GABRG3: variants seen among roughly 807,000 people sequenced by gnomAD.
The protein encoded by GABRG3 is gamma-aminobutyric acid type A receptor subunit gamma3.
In GABRG3, 25 loss-of-function variants were observed where a neutral mutation model predicts 48.8. The observed-to-expected ratio is 0.51, with a 90% CI of 0.37 to 0.72. GABRG3 has a LOEUF of 0.72. GABRG3 is among the 30% of genes least tolerant of loss of function. GABRG3 has a pLI of 0.00. For synonymous variants in GABRG3, 227 were observed against 217.6 expected, an observed-to-expected ratio of 1.04 and a Z score of -0.38; for missense variants, 394 against 577.9, an observed-to-expected ratio of 0.68 and a Z score of 3.26.
intron 3 of GABRG3, among the ~76,000 whole-genome samples, chr15:27,199,910 T>C (rs1198231535): frequency 1.3e-5 from 2 of 151,674 alleles, no homozygotes; most frequent in Non-Finnish European, 2.9e-5. Context: ...CTTCCCTCTT[T>C]CCCTTCAGCC....
At chr15:27,033,510 G>C (rs1296674160) in intron 3 of GABRG3, among the ~76,000 whole-genome samples, 1 of 152,090 alleles carries the variant, frequency 6.6e-6, no homozygotes, top group Non-Finnish European at 1.5e-5. Flanking sequence ...TGTTGCTTTG[G>C]TAACCTCCTG....
chr15:27,433,713 T>C (rs1025516558), intron 5 of GABRG3, among the ~76,000 whole-genome samples: 3 of 152,206 alleles, frequency 2.0e-5, no homozygotes, highest in Non-Finnish European at 4.4e-5. Context: ...GGCAAACAAT[T>C]GCTCTATCGC....
intron 5 of GABRG3, among the ~76,000 whole-genome samples, chr15:27,351,917 GTGTGTT>G (rs1894624288): frequency 6.7e-6 from 1 of 149,428 alleles, no homozygotes; most frequent in Non-Finnish European, 1.5e-5. Context: ...TATAGTGTGT[GTGTGTT>G]TGTGTGTGTA....
intron 5 of GABRG3, among the ~76,000 whole-genome samples, chr15:27,439,839 C>T (rs1056842333): frequency 6.6e-6 from 1 of 152,200 alleles, no homozygotes. Context: ...TGATAAATCT[C>T]GTCATTTAGG....
intron 3 of GABRG3, among the ~76,000 whole-genome samples, chr15:27,286,886 C>A (rs1284825987): frequency 2.0e-5 from 3 of 152,192 alleles, no homozygotes; most frequent in Non-Finnish European, 4.4e-5. Flanking sequence ...GGCTGCCCTA[C>A]TCTCTCCCTC....
intron 3 of GABRG3, among the ~76,000 whole-genome samples, chr15:27,294,484 G>T (rs1891910807): frequency 6.6e-6 from 1 of 152,084 alleles, no homozygotes; most frequent in Non-Finnish European, 1.5e-5. Context: ...CCAAACTGCT[G>T]GGATTACAGA....
At chr15:26,977,266 C>T in intron 2 of GABRG3, 116 bp downstream of exon 2, 1 of 1,067,554 alleles carries the variant, frequency 9.4e-7, no homozygotes, top group Non-Finnish European at 1.4e-6. Flanking sequence ...GAAAGGTTTC[C>T]TGTACTTGTC....
At chr15:27,096,165 C>T (rs1223466387) in intron 3 of GABRG3, among the ~76,000 whole-genome samples, 1 of 152,244 alleles carries the variant, frequency 6.6e-6, no homozygotes, top group African/African-American at 2.4e-5. Context: ...AAGCAGGGTT[C>T]TGGTTTCTGC....
At chr15:27,226,280 C>T (rs1683118061) in intron 3 of GABRG3, among the ~76,000 whole-genome samples, 1 of 152,174 alleles carries the variant, frequency 6.6e-6, no homozygotes, top group Non-Finnish European at 1.5e-5. Flanking sequence ...CATCCAGGAA[C>T]TCAAGGGACA....
chr15:27,078,745 C>A (rs1352210971), intron 3 of GABRG3, among the ~76,000 whole-genome samples: 1 of 152,126 alleles, frequency 6.6e-6, no homozygotes, highest in Non-Finnish European at 1.5e-5. Flanking sequence ...CGCATGAGGA[C>A]CATATTAAGG....
chr15:27,465,534 A>G (rs957732744), intron 5 of GABRG3, among the ~76,000 whole-genome samples: 2 of 152,200 alleles, frequency 1.3e-5, no homozygotes, highest in Non-Finnish European at 2.9e-5. Flanking sequence ...GAGATTTTAT[A>G]CCGAATTCCC....
chr15:27,134,905 T>C (rs1004756023), intron 3 of GABRG3, among the ~76,000 whole-genome samples: 5 of 152,204 alleles, frequency 3.3e-5, no homozygotes, highest in African/African-American at 7.2e-5. Context: ...TTCCAAATCT[T>C]ACAGGGCTGG....
intron 3 of GABRG3, among the ~76,000 whole-genome samples, chr15:27,118,538 C>T (rs1366198313): frequency 1.3e-5 from 2 of 152,160 alleles, no homozygotes; most frequent in Admixed American, 1.3e-4. Flanking sequence ...GTGCATCTGA[C>T]TCGGTTCAAT....
chr15:26,976,764 C>T lies in GABRG3; in HGVS notation c.54-238C>T, dbSNP rs560877586. 3.2e-4 allele frequency among the ~76,000 whole-genome samples: 48 copies of T among 152,134 alleles called. No individual in the cohort carries two copies. Among genetic ancestry groups the T allele is most frequent in the Non-Finnish European group, 6.3e-4 (43 of 68,036 alleles). On this transcript the variant is annotated intron_variant, in intron 1 of 9. Coordinates refer to ENST00000615808, the MANE Select transcript of GABRG3 (RefSeq NM_033223.5). The surrounding 1 kb of genome is among the most constrained non-coding windows in gnomAD (Gnocchi z 7.8). ...TAGTTTAACTGGGATGGGGGATGGT[C>T]TTCTGGCATTTAATAAAAACATACC...
intron 5 of GABRG3, among the ~76,000 whole-genome samples, chr15:27,347,015 T>A (rs1480228381): frequency 8.4e-4 from 2 of 2,388 alleles, no homozygotes; most frequent in Non-Finnish European, 1.7e-3. Context: ...GCATGCCTTA[T>A]AGTTTTTTAA....
chr15:27,306,947 T>G (rs9796737), intron 3 of GABRG3, among the ~76,000 whole-genome samples: 35,826 of 91,364 alleles, frequency 0.39, 11,318 homozygotes, highest in Non-Finnish European at 0.56. Context: ...TAAACATATA[T>G]AATATAAACA....
At chr15:27,206,111 C>T (rs1425488772) in intron 3 of GABRG3, among the ~76,000 whole-genome samples, 1 of 151,954 alleles carries the variant, frequency 6.6e-6, no homozygotes, top group East Asian at 1.9e-4. Context: ...AATTTATTTA[C>T]TCTTGTTTTT....
chr15:27,337,589 C>A (rs76289692), intron 5 of GABRG3, among the ~76,000 whole-genome samples: 4,685 of 152,248 alleles, frequency 0.031, 255 homozygotes, highest in African/African-American at 0.11. Flanking sequence ...CTGAGACCCA[C>A]GCAGAGGTCT....
intron 3 of GABRG3, among the ~76,000 whole-genome samples, chr15:27,217,589 G>A (rs1049310740): frequency 3.9e-5 from 6 of 152,174 alleles, no homozygotes; most frequent in Non-Finnish European, 7.3e-5. Context: ...ATCCTGCTCC[G>A]TGCTGTGGCC....
Sources: allele counts gnomAD v4.1 joint callset (sites outside exome capture counted in the v4.1 genomes callset), GRCh38; gene constraint gnomAD v4.1.1; non-coding constraint Gnocchi (gnomAD v3.1); transcripts MANE v1.5; gene names NCBI Gene and HGNC (gene_info 2026-07-23, HGNC 2026-07-21).